Variants in EYA1 observed in about 807,000 individuals in gnomAD.
EYA1 encodes the protein EYA transcriptional coactivator and phosphatase 1.
In EYA1, 16 loss-of-function variants were observed where a neutral mutation model predicts 82.0. The observed-to-expected ratio is 0.20, with a 90% CI of 0.13 to 0.30. EYA1 has a LOEUF of 0.30. EYA1 is among the 10% of genes least tolerant of loss of function. The pLI is 1.00. For synonymous variants in EYA1, 261 were observed against 264.4 expected, an observed-to-expected ratio of 0.99 and a Z score of 0.12; for missense variants, 633 against 730.7, an observed-to-expected ratio of 0.87 and a Z score of 1.54.
At chr8:71,495,753 A>G in intron 2 of EYA1, among the ~76,000 whole-genome samples, 1 of 152,186 alleles carries the variant, frequency 6.6e-6, no homozygotes, top group East Asian at 1.9e-4. Context: ...TAGGAAGTCC[A>G]CCTCTCCTCC....
chr8:71,496,785 C>A (rs1194948222), intron 2 of EYA1, among the ~76,000 whole-genome samples: 2 of 152,046 alleles, frequency 1.3e-5, no homozygotes, highest in African/African-American at 4.8e-5. Flanking sequence ...ATGGGGAAAC[C>A]AATTGTGTCA....
chr8:71,331,212 G>C (rs1823805836), intron 4 of EYA1, among the ~76,000 whole-genome samples: 2 of 150,606 alleles, frequency 1.3e-5, no homozygotes, highest in African/African-American at 2.5e-5. Context: ...CTGGGCAACA[G>C]AGTGAGACTC....
At chr8:71,307,887 A>G (rs545649090) in intron 7 of EYA1, among the ~76,000 whole-genome samples, 2 of 152,334 alleles carry the variant, frequency 1.3e-5, no homozygotes, top group African/African-American at 2.4e-5. Flanking sequence ...TAGCTCAGAC[A>G]TTGGCATATC....
chr8:71,278,996 A>G (rs13254654), intron 9 of EYA1, among the ~76,000 whole-genome samples: 45,660 of 152,070 alleles, frequency 0.3, 6,954 homozygotes, highest in Admixed American at 0.34. Flanking sequence ...CTCCTAGCCG[A>G]GAGGAAGCTC....
intron 2 of EYA1, among the ~76,000 whole-genome samples, chr8:71,440,588 T>TGTCA (rs1806355511): frequency 6.6e-6 from 1 of 152,108 alleles, no homozygotes; most frequent in East Asian, 1.9e-4. Context: ...GGGATAGAAG[T>TGTCA]GCTGAGTTCA....
intron 2 of EYA1, among the ~76,000 whole-genome samples, chr8:71,393,661 T>A (rs148476096): frequency 6.6e-6 from 1 of 152,188 alleles, no homozygotes; most frequent in African/African-American, 2.4e-5. Context: ...TTCCATGGTG[T>A]ATATGTGCCA....
At chr8:71,242,201 A>C (rs1376087847) in intron 12 of EYA1, among the ~76,000 whole-genome samples, 1 of 152,168 alleles carries the variant, frequency 6.6e-6, no homozygotes, top group Non-Finnish European at 1.5e-5. Flanking sequence ...GCAAGACCCT[A>C]TCTCAAAAAT....
At chr8:71,326,402 C>A (rs1823152894) in intron 4 of EYA1, among the ~76,000 whole-genome samples, 2 of 151,740 alleles carry the variant, frequency 1.3e-5, no homozygotes, top group African/African-American at 4.9e-5. Context: ...CCAAACCTTA[C>A]AACTTCTCAC....
At chr8:71,311,393 C>A (rs1304367641) in intron 7 of EYA1, among the ~76,000 whole-genome samples, 1 of 152,208 alleles carries the variant, frequency 6.6e-6, no homozygotes, top group Non-Finnish European at 1.5e-5. Flanking sequence ...CAAACTCACA[C>A]ACAACACCCC....
intron 2 of EYA1, among the ~76,000 whole-genome samples, chr8:71,447,179 A>T (rs1806957423): frequency 6.6e-6 from 1 of 151,418 alleles, no homozygotes; most frequent in African/African-American, 2.4e-5. Flanking sequence ...TTTATCACTC[A>T]CCCCAGACCT....
chr8:71,336,033 G>A (rs983273303), intron 3 of EYA1, among the ~76,000 whole-genome samples: 2 of 151,948 alleles, frequency 1.3e-5, no homozygotes, highest in African/African-American at 4.8e-5. Context: ...TCTACAAATA[G>A]TTCTCAGAAT....
intron 2 of EYA1, among the ~76,000 whole-genome samples, chr8:71,486,390 C>T (rs1391189945): frequency 1.3e-5 from 2 of 152,168 alleles, no homozygotes; most frequent in Non-Finnish European, 2.9e-5. Flanking sequence ...ATTCGTTTCC[C>T]CTCATGCTCC....
chr8:71,293,747 T>TA (rs570482259), intron 9 of EYA1, among the ~76,000 whole-genome samples: 58 of 151,180 alleles, frequency 3.8e-4, no homozygotes, highest in Admixed American at 1.9e-3. Flanking sequence ...CCATTCATAA[T>TA]AAAAAAACTC....
chr8:71,349,563 T>TA (rs1383360155), intron 3 of EYA1, among the ~76,000 whole-genome samples: 1 of 152,222 alleles, frequency 6.6e-6, no homozygotes, highest in Admixed American at 6.5e-5. Context: ...TTTTTGTGCA[T>TA]AAAATGGGAA....
chr8:71,447,045 G>C (rs1440662649), intron 2 of EYA1, among the ~76,000 whole-genome samples: 1 of 150,534 alleles, frequency 6.6e-6, no homozygotes, highest in African/African-American at 2.4e-5. Flanking sequence ...GAAGTTAGCG[G>C]AACTGTCATG....
chr8:71,372,548 G>A (rs539020225), intron 2 of EYA1, among the ~76,000 whole-genome samples: 2 of 152,118 alleles, frequency 1.3e-5, no homozygotes, highest in African/African-American at 4.8e-5. Context: ...TATAATTTCT[G>A]GTTCTTATGG....
intron 2 of EYA1, among the ~76,000 whole-genome samples, chr8:71,492,248 G>A (rs2129225905): frequency 6.6e-6 from 1 of 152,304 alleles, no homozygotes; most frequent in African/African-American, 2.4e-5. Flanking sequence ...CTGAAGGGCA[G>A]ATCTGCTAAA....
Position 71,215,454 on chromosome 8 carries a change from C to G in EYA1, c.1530G>C (p.Ala510=). 1 of 1,613,136 alleles carries G rather than the reference C, an allele frequency of 6.2e-7. No individual in the cohort carries two copies. The highest frequency in any genetic ancestry group is 8.5e-7 in the Non-Finnish European group (1 of 1,179,110). The change falls in exon 16 of 18, where the codon GCG becomes GCC. Residue 510 remains alanine, a synonymous_variant. Transcript: ENST00000340726. ...VTTTQLIPAL[A]KVLLYGLGIV... is the part of the protein sequence containing the mutation. ...TTCCTAACCCATACAGCAGGACTTTCGCCAATGCTGGGATGAGCTGAGTAG... is the reference window on the plus strand; with the variant it reads ...TTCCTAACCCATACAGCAGGACTTTGGCCAATGCTGGGATGAGCTGAGTAG...
At chr8:71,478,335 A>G (rs1809830146) in intron 2 of EYA1, among the ~76,000 whole-genome samples, 1 of 152,192 alleles carries the variant, frequency 6.6e-6, no homozygotes, top group South Asian at 2.1e-4. Flanking sequence ...ATTGTTTGGT[A>G]TAAATGTACC....
Sources: allele counts gnomAD v4.1 joint callset (sites outside exome capture counted in the v4.1 genomes callset), GRCh38; gene constraint gnomAD v4.1.1; transcripts MANE v1.5; gene names NCBI Gene and HGNC (gene_info 2026-07-23, HGNC 2026-07-21).